The following CACNB2 variants were observed in gnomAD, a reference collection of about 807,000 sequenced individuals.
CACNB2 encodes the protein calcium voltage-gated channel auxiliary subunit beta 2.
A neutral mutation model predicts 73.3 loss-of-function variants in CACNB2; 42 were observed. That is an observed-to-expected ratio of 0.57 (90% CI 0.45 to 0.74). The LOEUF is 0.74. CACNB2 is among the 30% of genes least tolerant of loss of function. CACNB2 has a pLI of 0.00. For synonymous variants in CACNB2, 348 were observed against 310.3 expected, an observed-to-expected ratio of 1.12 and a Z score of -1.28; for missense variants, 940 against 853.0, an observed-to-expected ratio of 1.10 and a Z score of -1.27.
In CACNB2 at chr10:18,527,581, C is replaced by A; in HGVS notation, c.945-7C>A. 1 of 1,604,152 alleles carries A rather than the reference C, an allele frequency of 6.2e-7. No individual in the cohort carries two copies. Among genetic ancestry groups the A allele is most frequent in the Non-Finnish European group, 8.5e-7 (1 of 1,170,998 alleles). ...TTAAGGTCTTCTGTGACTTTTTCCTCCAACAGGATATCCATCACAAGGGTC... is the reference window on the plus strand; with the variant it reads ...TTAAGGTCTTCTGTGACTTTTTCCTACAACAGGATATCCATCACAAGGGTC... On this transcript the variant is annotated splice_polypyrimidine_tract_variant and splice_region_variant and intron_variant, in intron 9 of 13. Transcript: ENST00000324631.
At chr10:18,451,932 T>G (rs78433854) in intron 3 of CACNB2, among the ~76,000 whole-genome samples, 3,538 of 152,300 alleles carry the variant, frequency 0.023, 149 homozygotes, top group African/African-American at 0.08. Context: ...GTATTCAGTT[T>G]AGCTCATAAC....
chr10:18,406,435 C>T (rs1460104182), intron 3 of CACNB2, among the ~76,000 whole-genome samples: 2 of 152,214 alleles, frequency 1.3e-5, no homozygotes, highest in African/African-American at 2.4e-5. Flanking sequence ...CTCCCCACTG[C>T]TCACATAACC....
At chr10:18,200,696 T>C (rs1163714136) in intron 2 of CACNB2, among the ~76,000 whole-genome samples, 2 of 152,194 alleles carry the variant, frequency 1.3e-5, no homozygotes, top group African/African-American at 4.8e-5. Flanking sequence ...AGTCTTCTTA[T>C]ACCAGATTTT....
At chr10:18,204,976 G>A (rs201858377) in intron 2 of CACNB2, among the ~76,000 whole-genome samples, 2,603 of 124,884 alleles carry the variant, frequency 0.021, no homozygotes, top group Non-Finnish European at 0.024. Flanking sequence ...AACTTTACCA[G>A]AAAAAAAAAA....
At chr10:18,288,855 G>C (rs1291423308) in intron 2 of CACNB2, among the ~76,000 whole-genome samples, 2 of 152,154 alleles carry the variant, frequency 1.3e-5, no homozygotes, top group Non-Finnish European at 2.9e-5. Context: ...GACCAGCCTG[G>C]TCAACACGGT....
intron 2 of CACNB2, among the ~76,000 whole-genome samples, chr10:18,219,444 A>G (rs1489402152): frequency 6.6e-6 from 1 of 152,170 alleles, no homozygotes; most frequent in Non-Finnish European, 1.5e-5. Context: ...AAGACTAAAT[A>G]TTGTTAATTT....
intron 2 of CACNB2, among the ~76,000 whole-genome samples, chr10:18,224,668 T>C (rs1343963580): frequency 6.6e-6 from 1 of 152,166 alleles, no homozygotes; most frequent in Non-Finnish European, 1.5e-5. Context: ...GAGGTTATGC[T>C]TGGGAACAGA....
At position 18,225,991 on chromosome 10, in the gene CACNB2, T is replaced by C. The variant is rs116140581; in HGVS notation, c.213+75016T>C. 4.4e-3 allele frequency among the ~76,000 whole-genome samples: 662 copies of C among 151,918 alleles called. 3 individuals carry two copies. The highest frequency in any genetic ancestry group is 0.015 in the African/African-American group (633 of 41,372). ...CTTAGTGGAGGGCAGGCTAGCATGA[T>C]GAGAGATGCTTTTTTTTAATTTTCT... On this transcript the variant is annotated intron_variant, in intron 2 of 13. Transcript: ENST00000324631.
intron 3 of CACNB2, among the ~76,000 whole-genome samples, chr10:18,453,554 A>G (rs187166817): frequency 1.2e-4 from 18 of 152,346 alleles, no homozygotes; most frequent in Admixed American, 8.5e-4. Flanking sequence ...TGCCGCTCGT[A>G]TCACCCTGTT....
At chr10:18,144,706 T>C (rs76129954) in intron 1 of CACNB2, among the ~76,000 whole-genome samples, 3,172 of 152,272 alleles carry the variant, frequency 0.021, 44 homozygotes, top group South Asian at 0.039. Flanking sequence ...ATATAACACA[T>C]CTTCATTAGT....
rs570817869 is a variant in CACNB2 at position 18,219,154 on chromosome 10, G to C, written c.213+68179G>C. Among the ~76,000 whole-genome samples, 3 of 151,088 alleles carry C rather than the reference G, an allele frequency of 2.0e-5. No individual in the cohort carries two copies. The South Asian group carries it at 6.3e-4, about 31-fold the overall frequency. ...CATTCCAACCTGGGCAACAGAGCAA[G>C]ACCCTGTCTCAAAGACACAAAAAAT... On this transcript the variant is annotated intron_variant, in intron 2 of 13. Transcript: ENST00000324631.
At position 18,542,260 on chromosome 10, in the gene CACNB2, C is replaced by T. The variant is rs1262338232; in HGVS notation, c.*2536C>T. 6.6e-6 allele frequency: 1 copy of T among 152,054 alleles called. No homozygotes were observed. The highest frequency in any genetic ancestry group is 6.6e-5 in the Admixed American group (1 of 15,260). The allele number at this position is 152,054 out of a possible 1,614,324, so 9.4% of individuals were successfully genotyped here. On this transcript the variant is annotated 3_prime_UTR_variant, in exon 14 of 14. Transcript: ENST00000324631. ...ATATATGAAAAAATTTCCCTCAGTT[C>T]GTTAATTAGCCCTACACTGTTTACA...
intron 3 of CACNB2, among the ~76,000 whole-genome samples, chr10:18,404,887 G>T (rs1394699178): frequency 6.6e-6 from 1 of 152,156 alleles, no homozygotes; most frequent in African/African-American, 2.4e-5. Context: ...CCACTAAACT[G>T]CAGTGAACAG....
chr10:18,285,584 A>G (rs866171194), intron 2 of CACNB2, among the ~76,000 whole-genome samples: 81 of 152,210 alleles, frequency 5.3e-4, no homozygotes, highest in African/African-American at 1.7e-3. Flanking sequence ...AAACTGCCTA[A>G]CTGAGCTCAA....
At chr10:18,393,809 G>C (rs1481837594) in intron 2 of CACNB2, among the ~76,000 whole-genome samples, 1 of 152,204 alleles carries the variant, frequency 6.6e-6, no homozygotes, top group Non-Finnish European at 1.5e-5. Flanking sequence ...AATGCTTGGT[G>C]ATGCTGAGAT....
intron 2 of CACNB2, among the ~76,000 whole-genome samples, chr10:18,253,197 G>A (rs1449379868): frequency 6.6e-6 from 1 of 152,176 alleles, no homozygotes. Flanking sequence ...CTTAGCAGGA[G>A]TCAGTGAAAC....
chr10:18,455,545 G>A (rs568624859), intron 3 of CACNB2, among the ~76,000 whole-genome samples: 1 of 152,310 alleles, frequency 6.6e-6, no homozygotes, highest in Admixed American at 6.5e-5. Context: ...TCTTCCTTAG[G>A]GGATAAATAG....
intron 2 of CACNB2, among the ~76,000 whole-genome samples, chr10:18,193,617 A>T (rs1311494503): frequency 2.0e-5 from 3 of 152,072 alleles, no homozygotes; most frequent in African/African-American, 7.2e-5. Context: ...TCCCCACTCT[A>T]GTGTGGTGGG....
intron 2 of CACNB2, among the ~76,000 whole-genome samples, chr10:18,234,005 A>G (rs2036327486): frequency 6.6e-6 from 1 of 152,194 alleles, no homozygotes; most frequent in Non-Finnish European, 1.5e-5. Context: ...AAAGGAGACC[A>G]GCAATTCCAG....
Sources: allele counts gnomAD v4.1 joint callset (sites outside exome capture counted in the v4.1 genomes callset), GRCh38; gene constraint gnomAD v4.1.1; transcripts MANE v1.5; gene names NCBI Gene and HGNC (gene_info 2026-07-23, HGNC 2026-07-21).